The following TLN2 variants were observed in gnomAD, a reference collection of about 807,000 sequenced individuals.
TLN2 encodes the protein talin 2, also known as talin-2.
TLN2 carries 118 observed loss-of-function variants against 294.7 expected under a neutral mutation model. That is an observed-to-expected ratio of 0.40 (90% CI 0.34 to 0.47). The LOEUF (loss-of-function observed/expected upper bound fraction) is 0.47, where lower values mean the gene tolerates loss of function less well. TLN2 is among the 20% of genes least tolerant of loss of function. The pLI is 0.84. For synonymous variants in TLN2, 1,431 were observed against 1,304.5 expected (o/e 1.10, Z -2.09); for missense variants, 3,083 against 3,282.2 (o/e 0.94, Z 1.48).
intron 28 of TLN2, among the ~76,000 whole-genome samples, chr15:62,735,935 G>C (rs1212056679): frequency 6.6e-6 from 1 of 152,146 alleles, no homozygotes; most frequent in Non-Finnish European, 1.5e-5. Context: ...TCACAACTTA[G>C]CTGAATCTCA....
intron 33 of TLN2, 92 bp downstream of exon 33, chr15:62,748,536 C>A: frequency 1.9e-6 from 2 of 1,077,956 alleles, no homozygotes; most frequent in Non-Finnish European, 2.8e-6. Context: ...TGTGTCTGTT[C>A]TTTCCCTATA....
chr15:62,620,479 G>A (rs558621202), intron 3 of TLN2, among the ~76,000 whole-genome samples: 105 of 131,674 alleles, frequency 8.0e-4, no homozygotes, highest in African/African-American at 2.7e-3. Flanking sequence ...CTCCCTCCCC[G>A]CCCCACACCC....
intron 1 of TLN2, among the ~76,000 whole-genome samples, chr15:62,505,123 A>T (rs2471025): frequency 0.13 from 20,004 of 151,690 alleles, 2,067 homozygotes; most frequent in East Asian, 0.55. Flanking sequence ...TGCCCAGCTA[A>T]TTTTTTTGTA....
In TLN2 at chr15:62,741,748, C is replaced by CGCGCGCGTGTGTGTGTGT; in HGVS notation, c.4025+980_4025+981insCGCGCGTGTGTGTGTGTG. ...TTAACTTGGTTTTTTAAAATTTGCG[C>CGCGCGCGTGTGTGTGTGT]GTGTGTGTGTGTGTGTGTGTCTTTA... On this transcript the variant is annotated intron_variant, in intron 32 of 58. Coordinates refer to ENST00000636159, the MANE Select transcript of TLN2 (RefSeq NM_015059.3). 1.8e-4 allele frequency among the ~76,000 whole-genome samples: 24 copies of CGCGCGCGTGTGTGTGTGT among 131,060 alleles called. 1 individual carries two copies. The highest frequency in any genetic ancestry group is 2.6e-4 in the Non-Finnish European group (16 of 62,636). The allele number at this position is 131,060 out of a possible 152,430, so 86.0% of individuals were successfully genotyped here.
At chr15:62,481,226 T>C (rs2038072394) in intron 1 of TLN2, among the ~76,000 whole-genome samples, 2 of 152,036 alleles carry the variant, frequency 1.3e-5, no homozygotes, top group African/African-American at 4.8e-5. Context: ...TTTTTCTTTT[T>C]TTTTTCTCTT....
chr15:62,622,512 A>G (rs1236000286), intron 3 of TLN2, among the ~76,000 whole-genome samples: 2 of 152,166 alleles, frequency 1.3e-5, no homozygotes, highest in Non-Finnish European at 1.5e-5. Context: ...CTTGATAATC[A>G]TGAAGGGGAC....
chr15:62,751,922 TG>T (rs1303912923), intron 34 of TLN2, among the ~76,000 whole-genome samples: 1 of 152,242 alleles, frequency 6.6e-6, no homozygotes, highest in East Asian at 1.9e-4. Context: ...AAATGATATC[TG>T]GAAGGGTGAG....
intron 54 of TLN2, among the ~76,000 whole-genome samples, chr15:62,824,700 A>G (rs184990327): frequency 4.5e-4 from 68 of 150,672 alleles, no homozygotes; most frequent in Non-Finnish European, 8.9e-4. Context: ...GGAAAGTAAT[A>G]TCATAGCCTA....
chr15:62,781,284 T>A, intron 44 of TLN2, 43 bp downstream of exon 44: 1 of 1,492,806 alleles, frequency 6.7e-7, no homozygotes, highest in Non-Finnish European at 9.3e-7. Flanking sequence ...TGTTTGCCTT[T>A]TTATCCACTG....
rs754664802 is a variant in TLN2, at chr15:62,840,467, T to C, written c.7501-15T>C. On this transcript the variant is annotated splice_polypyrimidine_tract_variant and intron_variant, in intron 58 of 58. Transcript: ENST00000636159. ...CAAAGTGTTAGGTCCATCCAGCTTGTTGCTTTCTTTCTAGATCATCGCCGC... is the reference window on the plus strand; with the variant it reads ...CAAAGTGTTAGGTCCATCCAGCTTGCTGCTTTCTTTCTAGATCATCGCCGC... The C allele has an allele frequency of 6.2e-6, 10 of 1,613,828 alleles. No homozygotes were observed. The South Asian group carries it at 8.8e-5, about 14-fold the overall frequency.
At chr15:62,818,584 T>G (rs1016969277) in intron 52 of TLN2, among the ~76,000 whole-genome samples, 8 of 152,158 alleles carry the variant, frequency 5.3e-5, no homozygotes, top group Non-Finnish European at 4.4e-5. Context: ...CAAAAGACAA[T>G]TTTTGAAAAC....
chr15:62,438,683 A>G (rs2035409690), intron 1 of TLN2, among the ~76,000 whole-genome samples: 1 of 152,218 alleles, frequency 6.6e-6, no homozygotes, highest in Admixed American at 6.5e-5. Context: ...TACTGAGACC[A>G]TATAAAACCC....
chr15:62,614,684 G>T (rs1413735117), intron 2 of TLN2, among the ~76,000 whole-genome samples: 1 of 152,140 alleles, frequency 6.6e-6, no homozygotes, highest in African/African-American at 2.4e-5. Context: ...ACTGAGAATT[G>T]TAAAAAGTTT....
At position 62,663,605 on chromosome 15, in the gene TLN2, A is replaced by G. The variant is rs2054168400; in HGVS notation, c.788+5707A>G. 2.0e-5 allele frequency among the ~76,000 whole-genome samples: 3 copies of G among 151,998 alleles called. No individual in the cohort carries two copies. The South Asian group carries it at 6.2e-4, about 31-fold the overall frequency. On this transcript the variant is annotated intron_variant, in intron 9 of 58. Coordinates refer to ENST00000636159, the MANE Select transcript of TLN2 (RefSeq NM_015059.3). ...TTAGAAAAAAAAAAATCAACATATAATAGCAAATAGTATTCCCATACAAAT... is the reference window on the plus strand; with the variant it reads ...TTAGAAAAAAAAAAATCAACATATAGTAGCAAATAGTATTCCCATACAAAT...
rs7163535 is a variant in TLN2, at chr15:62,589,076, C to T, written c.-237-611C>T. On this transcript the variant is annotated intron_variant, in intron 1 of 58. Transcript: ENST00000636159. ...CTGTATCTGGATGTTTATTCTGTTT[C>T]GTAGATAACGTGTGTGTGTTCTCAC... 5.9e-3 allele frequency among the ~76,000 whole-genome samples: 891 copies of T among 152,128 alleles called. 12 individuals carry two copies. Among genetic ancestry groups the T allele is most frequent in the African/African-American group, 0.02 (824 of 41,504 alleles).
intron 1 of TLN2, among the ~76,000 whole-genome samples, chr15:62,475,849 A>T (rs1488759374): frequency 6.6e-6 from 1 of 152,204 alleles, no homozygotes; most frequent in African/African-American, 2.4e-5. Context: ...AGTCAGACAG[A>T]GTAAGAATAA....
At chr15:62,772,266 C>G (rs993661787) in intron 42 of TLN2, among the ~76,000 whole-genome samples, 1 of 152,138 alleles carries the variant, frequency 6.6e-6, no homozygotes, top group South Asian at 2.1e-4. Flanking sequence ...TTGGACTTAA[C>G]ATTTTCTATG....
intron 19 of TLN2, among the ~76,000 whole-genome samples, chr15:62,704,276 T>TTC (rs1449285410): frequency 1.3e-5 from 2 of 152,140 alleles, no homozygotes; most frequent in African/African-American, 2.4e-5. Context: ...TACCTGACAC[T>TTC]TCTAAATACC....
chr15:62,840,783 C>T lies in TLN2; in HGVS notation c.*173C>T, dbSNP rs1035450703. 5 of 857,500 alleles carry T rather than the reference C, an allele frequency of 5.8e-6. No individual in the cohort carries two copies. Among genetic ancestry groups the T allele is most frequent in the East Asian group, 2.7e-5 (1 of 36,736 alleles). 53.1% of individuals were successfully genotyped at this position (857,500 alleles called of 1,614,324 possible). On this transcript the variant is annotated 3_prime_UTR_variant, in exon 59 of 59. Transcript: ENST00000636159. ...GTCCCGTCGGCACTGGCTGCATGAT[C>T]GTGATGTCACACGGTACAATGTCCT...
Sources: gnomAD v4.1 joint callset for allele counts (sites outside exome capture counted in the v4.1 genomes callset) on GRCh38, gnomAD v4.1.1 for gene constraint, MANE v1.5 for transcripts, NCBI Gene and HGNC (gene_info 2026-07-23, HGNC 2026-07-21) for gene names.